The following CUL1 variants were observed in gnomAD, a reference collection of about 807,000 sequenced individuals.
CUL1 encodes cullin 1.
CUL1 carries 24 observed loss-of-function variants against 118.0 expected under a neutral mutation model. The ratio of observed to expected loss-of-function variants is 0.20; its 90% confidence interval spans 0.15 to 0.29. The LOEUF (loss-of-function observed/expected upper bound fraction) is 0.29, where lower values mean the gene tolerates loss of function less well. CUL1 is among the 10% of genes least tolerant of loss of function. CUL1 has a pLI of 1.00. For missense variants in CUL1, 361 were observed against 933.8 expected (o/e 0.39, Z 7.99); for synonymous variants, 332 against 340.4 (o/e 0.98, Z 0.27).
intron 2 of CUL1, among the ~76,000 whole-genome samples, chr7:148,743,759 C>G (rs1244615976): frequency 5.3e-5 from 8 of 152,152 alleles, no homozygotes; most frequent in African/African-American, 1.9e-4. Flanking sequence ...GAAACCCTGT[C>G]TCTACTAAAA....
At position 148,800,621 on chromosome 7, in the gene CUL1, T is replaced by C. The variant is rs374286272; in HGVS notation, c.*39T>C. 7.4e-6 allele frequency: 11 copies of C among 1,479,930 alleles called. No individual in the cohort carries two copies. The highest frequency in any genetic ancestry group is 5.2e-5 in the Admixed American group (3 of 57,526). 91.7% of individuals were successfully genotyped at this position (1,479,930 alleles called of 1,614,324 possible). A position where few individuals can be genotyped will look rare whatever the true frequency, so the allele number is the denominator to read the frequency against. On this transcript the variant is annotated 3_prime_UTR_variant, in exon 22 of 22. Transcript: ENST00000325222. This position sits in a 1 kb window ranked among gnomAD's most constrained non-coding sequence, Gnocchi z 4.6. ...GTCTGACTGTGTGACCCGCAGCAAA[T>C]AGTTCATGTTGGAAAGAATGAAAAC...
chr7:148,701,372 G>C (rs1797717251), intron 1 of CUL1, among the ~76,000 whole-genome samples: 1 of 151,902 alleles, frequency 6.6e-6, no homozygotes, highest in Non-Finnish European at 1.5e-5. Flanking sequence ...CCAGTATCTA[G>C]TACAGGGCCC....
intron 16 of CUL1, 77 bp downstream of exon 16, chr7:148,790,518 G>A: frequency 1.6e-6 from 2 of 1,268,416 alleles, no homozygotes; most frequent in Non-Finnish European, 2.2e-6. Flanking sequence ...ATTATCAGCT[G>A]ACTCAGCAGC....
intron 6 of CUL1, among the ~76,000 whole-genome samples, chr7:148,760,108 G>GC (rs1230046011): frequency 6.6e-6 from 1 of 152,074 alleles, no homozygotes; most frequent in Non-Finnish European, 1.5e-5. Flanking sequence ...AGCATACCTG[G>GC]CCATGGGTCA....
chr7:148,742,535 C>G (rs1359613505), intron 2 of CUL1, among the ~76,000 whole-genome samples: 2 of 151,550 alleles, frequency 1.3e-5, no homozygotes, highest in East Asian at 3.9e-4. Flanking sequence ...GGGACACAGC[C>G]AAACCATGTC....
intron 2 of CUL1, among the ~76,000 whole-genome samples, chr7:148,739,198 G>A: frequency 6.6e-6 from 1 of 152,208 alleles, no homozygotes; most frequent in East Asian, 1.9e-4. Context: ...ATACCAGTGA[G>A]GTGTGAGGAG....
chr7:148,761,853 G>C (rs1255724927), intron 7 of CUL1, among the ~76,000 whole-genome samples: 3 of 152,228 alleles, frequency 2.0e-5, no homozygotes, highest in African/African-American at 4.8e-5. Context: ...CGGTGGCTGG[G>C]GGAAGAAGGG....
At chr7:148,742,316 C>T (rs552299614) in intron 2 of CUL1, among the ~76,000 whole-genome samples, 1 of 152,202 alleles carries the variant, frequency 6.6e-6, no homozygotes, top group Non-Finnish European at 1.5e-5. Flanking sequence ...TGGTAGAAGG[C>T]AAAGGAGAAG....
intron 1 of CUL1, among the ~76,000 whole-genome samples, chr7:148,720,098 A>G (rs1388343173): frequency 3.9e-5 from 6 of 152,248 alleles, no homozygotes; most frequent in African/African-American, 1.4e-4. Context: ...CTTTCTTTAT[A>G]TAGTTAATAA....
At chr7:148,786,634 C>G in intron 12 of CUL1, 35 bp downstream of exon 12, 1 of 1,560,352 alleles carries the variant, frequency 6.4e-7, no homozygotes, top group South Asian at 1.1e-5. Context: ...TTTCCAGTAG[C>G]TGTGTATTTC....
At chr7:148,708,574 C>T (rs924089055) in intron 1 of CUL1, among the ~76,000 whole-genome samples, 7 of 152,228 alleles carry the variant, frequency 4.6e-5, no homozygotes, top group African/African-American at 1.7e-4. Flanking sequence ...AGGTATTGGG[C>T]TGCTAGCATT....
chr7:148,789,366 C>T (rs1045770419), intron 14 of CUL1, among the ~76,000 whole-genome samples: 6 of 152,036 alleles, frequency 3.9e-5, no homozygotes, highest in African/African-American at 1.4e-4. Context: ...GCGGTTTTCT[C>T]CTGCTTGTGA....
chr7:148,739,037 A>C (rs1799055506), intron 2 of CUL1, among the ~76,000 whole-genome samples: 1 of 152,240 alleles, frequency 6.6e-6, no homozygotes, highest in Non-Finnish European at 1.5e-5. Context: ...CCTTTCACAC[A>C]GGCGCCCTTC....
At position 148,729,994 on chromosome 7, in the gene CUL1, T is replaced by G. The variant is rs1216989049; in HGVS notation, c.-129T>G. 9 of 1,059,308 alleles carry G rather than the reference T, an allele frequency of 8.5e-6. No individual in the cohort carries two copies. Among genetic ancestry groups the G allele is most frequent in the Non-Finnish European group, 1.2e-5 (9 of 743,588 alleles). The allele number at this position is 1,059,308 out of a possible 1,614,324, so 65.6% of individuals were successfully genotyped here. A position where few individuals can be genotyped will look rare whatever the true frequency, so the allele number is the denominator to read the frequency against. ...TGCAATGAGATTTCATTCTCTACAT[T>G]TAAAGGACATCCTTTCTGAGCTGCT... On this transcript the variant is annotated 5_prime_UTR_variant, in exon 2 of 22. The change creates a new upstream start codon in the 5' untranslated region. Coordinates refer to ENST00000325222, the MANE Select transcript of CUL1 (RefSeq NM_003592.3).
Position 148,790,376 on chromosome 7 carries a change from T to C in CUL1, c.1741T>C (p.Trp581Arg). Residue 581 changes from tryptophan (W) to arginine (R), a missense_variant, in exon 16 of 22, where the codon TGG becomes CGG. Transcript: ENST00000325222. Reference sequence around the variant, plus strand: ...CCGCCACAGTGGCCGAAAATTGACGTGGTTATATCAGTTGTCTAAAGGAGA... The same window carrying C: ...CCGCCACAGTGGCCGAAAATTGACGCGGTTATATCAGTTGTCTAAAGGAGA... ...ASRHSGRKLT[W>R]LYQLSKGELV... 6.2e-7 allele frequency: 1 copy of C among 1,614,084 alleles called. No homozygotes were observed.
At chr7:148,786,439 A>G in intron 11 of CUL1, 112 bp from the exon 12 acceptor site, 1 of 816,860 alleles carries the variant, frequency 1.2e-6, no homozygotes. Flanking sequence ...CTTCCTCTGC[A>G]CTAATCTGAT....
At chr7:148,784,968 G>C (rs1251493852) in intron 11 of CUL1, among the ~76,000 whole-genome samples, 1 of 152,150 alleles carries the variant, frequency 6.6e-6, no homozygotes, top group Non-Finnish European at 1.5e-5. Context: ...ACATAGTATA[G>C]CTTTCTAGGA....
At chr7:148,791,160 A>G (rs1440428776) in intron 16 of CUL1, among the ~76,000 whole-genome samples, 1 of 152,128 alleles carries the variant, frequency 6.6e-6, no homozygotes, top group Non-Finnish European at 1.5e-5. Flanking sequence ...ATCTCTAGAT[A>G]TTTTTTAAAG....
intron 2 of CUL1, among the ~76,000 whole-genome samples, chr7:148,730,808 G>A (rs888566089): frequency 6.6e-6 from 1 of 152,044 alleles, no homozygotes; most frequent in African/African-American, 2.4e-5. Context: ...TTCCTGTTAT[G>A]GCCCTATTTT....
Sources: gnomAD v4.1 joint callset for allele counts (sites outside exome capture counted in the v4.1 genomes callset) on GRCh38, gnomAD v4.1.1 for gene constraint, Gnocchi (gnomAD v3.1) non-coding constraint, MANE v1.5 for transcripts, NCBI Gene and HGNC (gene_info 2026-07-23, HGNC 2026-07-21) for gene names.